SYT1: variants seen among roughly 807,000 people sequenced by gnomAD.
The protein encoded by SYT1 is synaptotagmin 1, also known as synaptotagmin-1.
In SYT1, 8 loss-of-function variants were observed where a neutral mutation model predicts 44.8. The observed-to-expected ratio is 0.18, with a 90% CI of 0.10 to 0.32. SYT1 has a LOEUF of 0.32. Among genes scored for constraint, SYT1 ranks in the 10% least tolerant of loss-of-function variants. The pLI, the probability that SYT1 is intolerant of heterozygous loss-of-function variation, is 1.00. For missense variants in SYT1, 286 were observed against 509.3 expected, an observed-to-expected ratio of 0.56 and a Z score of 4.22; for synonymous variants, 154 against 188.8, an observed-to-expected ratio of 0.82 and a Z score of 1.51.
intron 4 of SYT1, among the ~76,000 whole-genome samples, chr12:79,266,995 A>G (rs903951816): frequency 2.0e-5 from 3 of 152,328 alleles, no homozygotes; most frequent in Middle Eastern, 3.4e-3. Flanking sequence ...CCACCCAAGC[A>G]TAGCAGCCAT....
intron 1 of SYT1, among the ~76,000 whole-genome samples, chr12:78,890,387 C>T (rs10861101): frequency 0.38 from 57,325 of 151,494 alleles, 12,900 homozygotes; most frequent in Non-Finnish European, 0.49. Context: ...TGGGGCCTGT[C>T]GTGGGGTGAC....
At chr12:79,398,850 G>A (rs1884968007) in intron 9 of SYT1, among the ~76,000 whole-genome samples, 1 of 152,014 alleles carries the variant, frequency 6.6e-6, no homozygotes, top group African/African-American at 2.4e-5. Context: ...TCTAATATCG[G>A]GGCCAAACAA....
intron 9 of SYT1, among the ~76,000 whole-genome samples, chr12:79,382,509 T>C (rs1884265706): frequency 6.6e-6 from 1 of 151,908 alleles, no homozygotes; most frequent in Non-Finnish European, 1.5e-5. Context: ...TATTTACTAA[T>C]AGATAATAAA....
intron 1 of SYT1, among the ~76,000 whole-genome samples, chr12:78,871,177 G>T (rs1873802441): frequency 6.6e-6 from 1 of 151,896 alleles, no homozygotes. Flanking sequence ...ATGCTTCATG[G>T]TCATTATCCC....
chr12:79,299,315 C>G, intron 7 of SYT1, 69 bp from the exon 8 acceptor site: 1 of 1,510,984 alleles, frequency 6.6e-7, no homozygotes, highest in Non-Finnish European at 9.1e-7. Context: ...AAATTAAGCA[C>G]CATGAACAAG....
intron 2 of SYT1, among the ~76,000 whole-genome samples, chr12:79,040,252 G>T (rs1371028723): frequency 6.6e-6 from 1 of 150,732 alleles, no homozygotes; most frequent in African/African-American, 2.4e-5. Context: ...GTGTAAAAGT[G>T]TTCCTATTTC....
intron 1 of SYT1, among the ~76,000 whole-genome samples, chr12:78,882,205 G>A (rs1373100589): frequency 6.6e-6 from 1 of 151,714 alleles, no homozygotes; most frequent in Non-Finnish European, 1.5e-5. Context: ...ATAGGCGATT[G>A]ACTGAACTTT....
At chr12:79,245,716 TA>T (rs1876814911) in intron 4 of SYT1, among the ~76,000 whole-genome samples, 1 of 152,212 alleles carries the variant, frequency 6.6e-6, no homozygotes, top group Non-Finnish European at 1.5e-5. Flanking sequence ...TATCACTGTC[TA>T]ATTAAATTCA....
At chr12:79,100,328 A>G (rs1878374069) in intron 3 of SYT1, among the ~76,000 whole-genome samples, 2 of 152,158 alleles carry the variant, frequency 1.3e-5, no homozygotes, top group Non-Finnish European at 2.9e-5. Context: ...CTAGCTCCCA[A>G]ACCTCGTCTT....
intron 9 of SYT1, among the ~76,000 whole-genome samples, chr12:79,397,868 A>C (rs1423829027): frequency 6.6e-6 from 1 of 152,172 alleles, no homozygotes; most frequent in African/African-American, 2.4e-5. Context: ...AGTTTCCATC[A>C]TGCTCTCCAC....
chr12:79,152,614 C>A (rs1870342942), intron 3 of SYT1, among the ~76,000 whole-genome samples: 1 of 151,902 alleles, frequency 6.6e-6, no homozygotes, highest in South Asian at 2.1e-4. Context: ...TCCATTATAT[C>A]TATTCTATGA....
chr12:79,015,846 G>A (rs945694049), intron 2 of SYT1, among the ~76,000 whole-genome samples: 1 of 152,066 alleles, frequency 6.6e-6, no homozygotes, highest in Non-Finnish European at 1.5e-5. Flanking sequence ...AAGCTAGGTA[G>A]GCCAGGATTA....
chr12:79,207,696 A>G (rs2138521641), intron 3 of SYT1, among the ~76,000 whole-genome samples: 1 of 152,364 alleles, frequency 6.6e-6, no homozygotes, highest in East Asian at 1.9e-4. Flanking sequence ...CTAGAAAAAA[A>G]TGACACTTTT....
At chr12:79,305,184 C>T (rs1160312985) in intron 8 of SYT1, among the ~76,000 whole-genome samples, 2 of 152,122 alleles carry the variant, frequency 1.3e-5, no homozygotes, top group Non-Finnish European at 2.9e-5. Flanking sequence ...AAAAGAAATC[C>T]AAATTCTCAC....
intron 2 of SYT1, among the ~76,000 whole-genome samples, chr12:79,018,058 T>C (rs1565765075): frequency 6.6e-6 from 1 of 151,850 alleles, no homozygotes; most frequent in African/African-American, 2.4e-5. Flanking sequence ...TTAAAAATTG[T>C]GCACTGTTCA....
intron 3 of SYT1, among the ~76,000 whole-genome samples, chr12:79,140,449 G>A (rs914485016): frequency 6.6e-6 from 1 of 152,086 alleles, no homozygotes; most frequent in Non-Finnish European, 1.5e-5. Context: ...TATATAGTGT[G>A]ATCTTAATAG....
chr12:79,418,857 C>T (rs1006133149), intron 9 of SYT1, among the ~76,000 whole-genome samples: 3 of 152,020 alleles, frequency 2.0e-5, no homozygotes, highest in Non-Finnish European at 2.9e-5. Flanking sequence ...GCTGTATGCA[C>T]GTTAGAATCA....
chr12:78,889,208 T>C (rs1282731848), intron 1 of SYT1, among the ~76,000 whole-genome samples: 1 of 151,944 alleles, frequency 6.6e-6, no homozygotes, highest in African/African-American at 2.4e-5. Context: ...TCCATGTTTC[T>C]TCAAGGGTTT....
chr12:79,198,775 GAAGA>G (rs1354412825), intron 3 of SYT1, among the ~76,000 whole-genome samples: 5 of 152,278 alleles, frequency 3.3e-5, no homozygotes, highest in African/African-American at 1.2e-4. Flanking sequence ...GTTCATGTGG[GAAGA>G]AATTGCTATA....
Sources: gnomAD v4.1 joint callset for allele counts (sites outside exome capture counted in the v4.1 genomes callset) on GRCh38, gnomAD v4.1.1 for gene constraint, MANE v1.5 for transcripts, NCBI Gene and HGNC (gene_info 2026-07-23, HGNC 2026-07-21) for gene names.